Variants in DNAH12 observed in about 807,000 individuals in gnomAD.
DNAH12 encodes the protein axonemal beta dynein heavy chain 12.
In DNAH12, 285 loss-of-function variants were observed where a neutral mutation model predicts 371.5. The observed-to-expected ratio is 0.77, with a 90% CI of 0.70 to 0.85. DNAH12 has a LOEUF of 0.85. DNAH12 is among the 40% of genes least tolerant of loss of function. The probability of loss-of-function intolerance (pLI) is 0.00; values close to 1 mark genes in which losing one functional copy is unlikely to be tolerated. For synonymous variants in DNAH12, 1,200 were observed against 1,213.0 expected (o/e 0.99, Z 0.22); for missense variants, 3,611 against 3,689.4 (o/e 0.98, Z 0.55).
At chr3:57,421,861 TA>T in intron 35 of DNAH12, 155 bp from the exon 36 acceptor site, 1 of 649,448 alleles carries the variant, frequency 1.5e-6, no homozygotes, top group Non-Finnish European at 2.5e-6. Context: ...CTAAGCCACA[TA>T]GTCATTTCTC....
intron 65 of DNAH12, among the ~76,000 whole-genome samples, chr3:57,316,088 CT>C (rs2061678933): frequency 6.6e-6 from 1 of 151,520 alleles, no homozygotes; most frequent in Non-Finnish European, 1.5e-5. Context: ...CTTTAAAAAA[CT>C]TTTAAACATT....
At chr3:57,401,578 A>AG (rs2063866564) in intron 43 of DNAH12, among the ~76,000 whole-genome samples, 2 of 148,096 alleles carry the variant, frequency 1.4e-5, no homozygotes, top group East Asian at 2.0e-4. Flanking sequence ...AAAAAAAAAA[A>AG]AAAAGAAGAA....
Position 57,446,555 on chromosome 3 carries a change from A to T in DNAH12, c.3921T>A (p.Asp1307Glu). Reference sequence around the variant, plus strand: ...TAACTACCTTTCCCATTGCTAGATAATCTAGCCCATCAGAACAGTTGAACA... The same window carrying T: ...TAACTACCTTTCCCATTGCTAGATATTCTAGCCCATCAGAACAGTTGAACA... ...CVVFNCSDGL[D>E]YLAMGKFFKG... Residue 1307 changes from aspartate (D) to glutamate (E), a missense_variant, in exon 26 of 74, where the codon GAT becomes GAA. By Grantham distance (45) the Asp-to-Glu change is conservative (BLOSUM62 2). Around this residue, in one of 3 missense-constraint regions of DNAH12, gnomAD observed 2,266 missense variants for 2,236.9 expected, o/e 1.01. Transcript: ENST00000495027. 2.0e-6 allele frequency: 3 copies of T among 1,532,554 alleles called. No homozygotes were observed. Among genetic ancestry groups the T allele is most frequent in the Non-Finnish European group, 2.6e-6 (3 of 1,138,818 alleles). The allele number at this position is 1,532,554 out of a possible 1,614,324, so 94.9% of individuals were successfully genotyped here. A position where few individuals can be genotyped will look rare whatever the true frequency, so the allele number is the denominator to read the frequency against.
intron 43 of DNAH12, among the ~76,000 whole-genome samples, chr3:57,401,160 C>G (rs2153351110): frequency 6.6e-6 from 1 of 152,112 alleles, no homozygotes; most frequent in Admixed American, 6.6e-5. Context: ...TAGAAAATAT[C>G]TTGAGAAAAT....
intron 41 of DNAH12, 69 bp from the exon 42 acceptor site, chr3:57,405,216 T>G: frequency 7.2e-7 from 1 of 1,396,092 alleles, no homozygotes; most frequent in African/African-American, 1.5e-5. Flanking sequence ...AAACAAAATT[T>G]TTGTTTCATC....
intron 40 of DNAH12, among the ~76,000 whole-genome samples, chr3:57,406,733 T>G (rs1205621991): frequency 2.6e-5 from 4 of 152,228 alleles, no homozygotes; most frequent in African/African-American, 9.6e-5. Flanking sequence ...CTCTCTTCCC[T>G]TCTATCTCTT....
chr3:57,369,611 C>T (rs1343458608), intron 55 of DNAH12, among the ~76,000 whole-genome samples: 1 of 151,922 alleles, frequency 6.6e-6, no homozygotes, highest in African/African-American at 2.4e-5. Context: ...CAAAAAGGTC[C>T]AGACGGTACT....
chr3:57,398,416 G>T (rs1052402539), intron 43 of DNAH12, among the ~76,000 whole-genome samples: 3,601 of 152,262 alleles, frequency 0.024, 64 homozygotes, highest in Admixed American at 0.035. Flanking sequence ...CAGGAAAGAA[G>T]TGGATATAAA....
At chr3:57,370,865 G>C (rs2063156199) in intron 55 of DNAH12, among the ~76,000 whole-genome samples, 1 of 152,114 alleles carries the variant, frequency 6.6e-6, no homozygotes, top group African/African-American at 2.4e-5. Context: ...CCATATGTTG[G>C]GGGAGGCTGG....
At position 57,301,676 on chromosome 3, in the gene DNAH12, TTACACACACACA is replaced by T. The variant is rs2061348092; in HGVS notation, c.11394+47_11394+58del. 28 of 1,423,262 alleles carry T rather than the reference TTACACACACACA, an allele frequency of 2.0e-5. No homozygotes were observed. The South Asian group carries it at 3.6e-4, about 18-fold the overall frequency. 88.2% of individuals were successfully genotyped at this position (1,423,262 alleles called of 1,614,324 possible). The stretch of plus-strand genomic sequence containing the variant: ...TATTTTACATATTTATACATGTATT[TTACACACACACA>T]CACACACACACACACACACACACAC... On this transcript the variant is annotated intron_variant, in intron 70 of 73. Transcript: ENST00000495027.
At position 57,311,732 on chromosome 3, in the gene DNAH12, C is replaced by T. The variant is rs999117201; in HGVS notation, c.10663-782G>A. ...GCCCAAAATGCCAATCATGCTAAGG[C>T]TGAGAACCAGGTGCCTGGTTTAGGA... On this transcript the variant is annotated intron_variant, in intron 66 of 73. Coordinates refer to ENST00000495027, the MANE Select transcript of DNAH12 (RefSeq NM_001366028.2). 3.3e-5 allele frequency among the ~76,000 whole-genome samples: 5 copies of T among 152,172 alleles called. No homozygotes were observed. In the South Asian group the frequency reaches 1.0e-3, roughly 32 times the overall value.
At chr3:57,416,727 A>G (rs919977824) in intron 37 of DNAH12, among the ~76,000 whole-genome samples, 1 of 152,146 alleles carries the variant, frequency 6.6e-6, no homozygotes, top group Non-Finnish European at 1.5e-5. Flanking sequence ...CAATTCAATT[A>G]CAAACTGAAA....
intron 11 of DNAH12, among the ~76,000 whole-genome samples, chr3:57,492,423 G>A (rs1290688751): frequency 6.6e-6 from 1 of 151,946 alleles, no homozygotes; most frequent in Non-Finnish European, 1.5e-5. Flanking sequence ...TTGCACCATT[G>A]CACTCCAGCC....
At chr3:57,448,887 T>C (rs1172890967) in intron 25 of DNAH12, among the ~76,000 whole-genome samples, 2 of 147,884 alleles carry the variant, frequency 1.4e-5, no homozygotes, top group African/African-American at 5.0e-5. Context: ...AGGGTGCTGA[T>C]TGGTGTGTTT....
intron 58 of DNAH12, among the ~76,000 whole-genome samples, chr3:57,362,618 T>A (rs1426222703): frequency 6.6e-6 from 1 of 152,242 alleles, no homozygotes; most frequent in Admixed American, 6.5e-5. Flanking sequence ...AGATGGCCAG[T>A]GATGGTGAGC....
chr3:57,424,253 T>G (rs1161453790), intron 35 of DNAH12, among the ~76,000 whole-genome samples: 1 of 150,734 alleles, frequency 6.6e-6, no homozygotes, highest in Non-Finnish European at 1.5e-5. Context: ...GCGAATCACC[T>G]GAGGTCAGGA....
Position 57,381,214 on chromosome 3 carries a change from A to G in DNAH12, c.7993-847T>C. On this transcript the variant is annotated intron_variant, in intron 50 of 73. Transcript: ENST00000495027. Reference sequence around the variant, plus strand: ...AACCAGCTGAAAGTTCTTTTTTTCTACTTCCGGAAGCCTGATAGGGAGGTG... The same window carrying G: ...AACCAGCTGAAAGTTCTTTTTTTCTGCTTCCGGAAGCCTGATAGGGAGGTG... Among the ~76,000 whole-genome samples, 3 of 146,286 alleles carry G rather than the reference A, an allele frequency of 2.1e-5. No individual in the cohort carries two copies. The Middle Eastern group carries it at 0.01, about 498-fold the overall frequency.
intron 55 of DNAH12, among the ~76,000 whole-genome samples, chr3:57,370,022 AC>A (rs1271268448): frequency 5.9e-5 from 9 of 152,184 alleles, no homozygotes; most frequent in Non-Finnish European, 1.3e-4. Flanking sequence ...TTCTAAGTAT[AC>A]CTTACTCTAG....
At chr3:57,519,528 G>C (rs2068330614) in intron 4 of DNAH12, 1 of 582,514 alleles carries the variant, frequency 1.7e-6, no homozygotes, top group Non-Finnish European at 3.2e-6. Flanking sequence ...CCAAGCCTTT[G>C]ATGTGTCCCA....
Sources: allele counts gnomAD v4.1 joint callset (sites outside exome capture counted in the v4.1 genomes callset), GRCh38; gene constraint gnomAD v4.1.1; regional missense constraint gnomAD v4.1.1; transcripts MANE v1.5; gene names NCBI Gene and HGNC (gene_info 2026-07-23, HGNC 2026-07-21).